The following FMR1NB variants were observed in gnomAD, a reference collection of about 807,000 sequenced individuals.
FMR1NB encodes FMR1 neighbor.
Under a neutral mutation model 16.8 loss-of-function variants are expected in FMR1NB, and 10 were observed. The observed-to-expected ratio is 0.60, with a 90% CI of 0.37 to 1.01. FMR1NB has a LOEUF of 1.01. Among genes scored for constraint, FMR1NB ranks in the 50% least tolerant of loss-of-function variants. The pLI is 0.01. For synonymous variants in FMR1NB, 83 were observed against 79.1 expected, an observed-to-expected ratio of 1.05 and a Z score of -0.26; for missense variants, 205 against 204.8, an observed-to-expected ratio of 1.00 and a Z score of 0.00.
chrX:148,025,712 C>G (rs897569595), intron 5 of FMR1NB, among the ~76,000 whole-genome samples: 4 of 112,041 alleles, frequency 3.6e-5, no homozygotes, highest in African/African-American at 1.3e-4. Flanking sequence ...TGAAATTAAC[C>G]TTTCAGTTCC....
intron 1 of FMR1NB, among the ~76,000 whole-genome samples, chrX:147,987,066 T>C (rs1557187163): frequency 9.0e-6 from 1 of 111,451 alleles, no homozygotes; most frequent in African/African-American, 3.3e-5. Flanking sequence ...CCTATGTATT[T>C]TATTTTCTTT....
intron 1 of FMR1NB, among the ~76,000 whole-genome samples, chrX:147,990,098 C>G (rs1557187461): frequency 9.1e-6 from 1 of 110,467 alleles, no homozygotes; most frequent in Non-Finnish European, 1.9e-5. Context: ...TGAACAGCTG[C>G]CAGTTTTGTG....
chrX:147,983,650 A>G (rs1281606278), intron 1 of FMR1NB, among the ~76,000 whole-genome samples: 1 of 112,009 alleles, frequency 8.9e-6, no homozygotes, highest in African/African-American at 3.2e-5. Context: ...CAGATACCTG[A>G]TTTGCAAATG....
rs1224876458 is a variant in FMR1NB, at chrX:148,005,285, G to A, written c.398-1417G>A. On this transcript the variant is annotated intron_variant, in intron 2 of 5. Coordinates refer to ENST00000370467, the MANE Select transcript of FMR1NB (RefSeq NM_152578.3). The stretch of plus-strand genomic sequence containing the variant: ...GATCATATAGTCTAGTCTCTTCTAC[G>A]ATTTAACCCTAACCCTAACCCTCTC... 8.1e-5 allele frequency among the ~76,000 whole-genome samples: 9 copies of A among 111,574 alleles called. No homozygotes were observed. The East Asian group carries it at 8.5e-4, about 10-fold the overall frequency.
At chrX:147,993,160 A>G (rs1447068947) in intron 1 of FMR1NB, among the ~76,000 whole-genome samples, 1 of 112,639 alleles carries the variant, frequency 8.9e-6, no homozygotes, top group Non-Finnish European at 1.9e-5. Context: ...TCCGTCTGCA[A>G]TTCCGGCACC....
intron 4 of FMR1NB, among the ~76,000 whole-genome samples, chrX:148,017,992 A>G (rs1414039791): frequency 5.6e-5 from 6 of 106,324 alleles, no homozygotes; most frequent in Admixed American, 1.0e-4. Context: ...TAGTGCCGCA[A>G]TAAACATACG....
intron 3 of FMR1NB, among the ~76,000 whole-genome samples, chrX:148,007,617 C>T (rs1397681322): frequency 9.0e-6 from 1 of 111,640 alleles, no homozygotes; most frequent in Non-Finnish European, 1.9e-5. Context: ...GAATTAGGTT[C>T]TTCTGAATAT....
Position 147,981,435 on chromosome X carries a change from G to C in FMR1NB, c.33G>C (p.Arg11Ser). The C allele has an allele frequency of 1.7e-6, 2 of 1,211,435 alleles. No individual in the cohort carries two copies. The change falls in exon 1 of 6, where the codon AGG becomes AGC. Residue 11 changes from arginine to serine, a missense_variant. Physicochemically the swap from Arg to Ser is moderately radical, Grantham distance 110. Coordinates refer to ENST00000370467, the MANE Select transcript of FMR1NB (RefSeq NM_152578.3). MSSHRRKAKG[R>S]NRRSHRAMRV... The stretch of plus-strand genomic sequence containing the variant: ...CACATAGGAGGAAAGCGAAGGGGAG[G>C]AATAGGAGAAGTCACCGTGCCATGC...
At chrX:148,008,039 C>T (rs2044605871) in intron 3 of FMR1NB, 1 of 112,083 alleles carries the variant, frequency 8.9e-6, no homozygotes, top group Non-Finnish European at 1.9e-5. Context: ...CTAAAATATG[C>T]TTATTTCACC....
rs782712428 is a variant in FMR1NB at position 147,981,690 on chromosome X, G to T, written c.277+11G>T. The T allele has an allele frequency of 1.1e-6, 1 of 912,569 alleles. No homozygotes were observed. The highest frequency in any genetic ancestry group is 1.4e-6 in the Non-Finnish European group (1 of 719,058). The allele number at this position is 912,569 out of a possible 1,213,427, so 75.2% of individuals were successfully genotyped here. ...ACTACCTGTGCTCCGGTGAGTGCTGGCTCAGGCCAGGCAGGGAAATGCTGG... is the reference window on the plus strand; with the variant it reads ...ACTACCTGTGCTCCGGTGAGTGCTGTCTCAGGCCAGGCAGGGAAATGCTGG... On this transcript the variant is annotated intron_variant, in intron 1 of 5. Transcript: ENST00000370467.
intron 1 of FMR1NB, among the ~76,000 whole-genome samples, chrX:148,002,051 G>A (rs1465179598): frequency 1.8e-5 from 2 of 111,183 alleles, no homozygotes; most frequent in African/African-American, 6.5e-5. Context: ...GAGTATTAGA[G>A]TATAGAATGC....
At chrX:148,026,167 C>A (rs897447884) in intron 5 of FMR1NB, 4 of 110,779 alleles carry the variant, frequency 3.6e-5, no homozygotes, top group Non-Finnish European at 7.6e-5. Flanking sequence ...TACATGTGTG[C>A]ATATGTACAC....
At chrX:148,018,571 G>T (rs1458557095) in intron 4 of FMR1NB, among the ~76,000 whole-genome samples, 6 of 111,472 alleles carry the variant, frequency 5.4e-5, no homozygotes, top group African/African-American at 2.0e-4. Flanking sequence ...CAAGCAATGG[G>T]GAAAGCATTC....
At chrX:148,011,024 G>C (rs1443649734) in intron 4 of FMR1NB, among the ~76,000 whole-genome samples, 1 of 111,019 alleles carries the variant, frequency 9.0e-6, no homozygotes, top group Non-Finnish European at 1.9e-5. Flanking sequence ...GAAGCACTTT[G>C]GGAGGCCAAG....
intron 4 of FMR1NB, among the ~76,000 whole-genome samples, chrX:148,024,662 G>C (rs1232477935): frequency 8.9e-6 from 1 of 111,857 alleles, no homozygotes; most frequent in Non-Finnish European, 1.9e-5. Flanking sequence ...TGACTGTATA[G>C]AGAATAATAA....
chrX:148,018,249 G>T (rs1313269664), intron 4 of FMR1NB, among the ~76,000 whole-genome samples: 10 of 111,811 alleles, frequency 8.9e-5, no homozygotes, highest in African/African-American at 2.9e-4. Flanking sequence ...GCGTGAGAGG[G>T]TATCTCATTG....
chrX:148,017,153 T>A (rs2044653860), intron 4 of FMR1NB, among the ~76,000 whole-genome samples: 2 of 111,065 alleles, frequency 1.8e-5, no homozygotes, highest in South Asian at 7.7e-4. Context: ...AAGAGTAGTA[T>A]GTCGTATTTT....
chrX:147,998,332 T>C (rs1212864559), intron 1 of FMR1NB, among the ~76,000 whole-genome samples: 1 of 111,833 alleles, frequency 8.9e-6, no homozygotes, highest in Non-Finnish European at 1.9e-5. Context: ...GAAACCATCA[T>C]TCTCAGCAAA....
In FMR1NB at chrX:148,024,889, G is replaced by C; in HGVS notation, c.657G>C (p.Arg219Ser). The C allele has an allele frequency of 8.3e-7, 1 of 1,210,318 alleles. No homozygotes were observed. The highest frequency in any genetic ancestry group is 1.1e-6 in the Non-Finnish European group (1 of 894,613). ...GCGAACCGGCCGATGATTTACAAAG[G>C]CAGGACAACAGAGTTGTAACGGGTT... ...WRSEPADDLQRQDNRVVTGLK... is the reference protein window; with the variant it reads ...WRSEPADDLQSQDNRVVTGLK... The change falls in exon 5 of 6, where the codon AGG (arginine) becomes AGC (serine). Residue 219 changes from arginine to serine, a missense_variant. Transcript: ENST00000370467.
Sources: allele counts gnomAD v4.1 joint callset (sites outside exome capture counted in the v4.1 genomes callset), GRCh38; gene constraint gnomAD v4.1.1; transcripts MANE v1.5; gene names NCBI Gene and HGNC (gene_info 2026-07-23, HGNC 2026-07-21).